The following KLHL4 variants were observed in gnomAD, a reference collection of about 807,000 sequenced individuals.
KLHL4 encodes the protein kelch-like protein 4.
Under a neutral mutation model 45.8 loss-of-function variants are expected in KLHL4, and 17 were observed. The observed-to-expected ratio is 0.37, with a 90% CI of 0.25 to 0.56. The LOEUF is 0.56. Among genes scored for constraint, KLHL4 ranks in the 20% least tolerant of loss-of-function variants. The probability of loss-of-function intolerance (pLI) is 0.79; values close to 1 mark genes in which losing one functional copy is unlikely to be tolerated. For synonymous variants in KLHL4, 224 were observed against 189.9 expected (o/e 1.18, Z -1.47); for missense variants, 544 against 544.9 (o/e 1.00, Z 0.02).
rs1013635113 is a variant in KLHL4, at chrX:87,523,688, C to T, written c.422+5373C>T. 9.9e-5 allele frequency among the ~76,000 whole-genome samples: 11 copies of T among 111,573 alleles called. No individual in the cohort carries two copies. In the South Asian group the frequency reaches 2.2e-3, roughly 23 times the overall value. On this transcript the variant is annotated intron_variant, in intron 1 of 10. Coordinates refer to ENST00000373119, the MANE Select transcript of KLHL4 (RefSeq NM_019117.5). ...TGACTGAGTAAATGAGAAGGCCGGC[C>T]GTGGTGGCGCATGCCTGTAATCCCA...
intron 1 of KLHL4, among the ~76,000 whole-genome samples, chrX:87,542,894 G>T (rs754385197): frequency 9.0e-6 from 1 of 111,643 alleles, no homozygotes; most frequent in Non-Finnish European, 1.9e-5. Flanking sequence ...ATATTGTTTG[G>T]TTCAATGTCC....
At chrX:87,603,782 T>A (rs1305115931) in intron 1 of KLHL4, among the ~76,000 whole-genome samples, 3 of 110,306 alleles carry the variant, frequency 2.7e-5, no homozygotes, top group Non-Finnish European at 5.7e-5. Flanking sequence ...TACAGTACTT[T>A]ACAGTTAACC....
chrX:87,651,571 G>A lies in KLHL4; in HGVS notation c.1926-13193G>A, dbSNP rs780659024. On this transcript the variant is annotated intron_variant, in intron 9 of 10. Transcript: ENST00000373119. ...CCAAAGCAAAGGGGCTACAGGCCCC[G>A]TGCAAGTCCAAAATCCAGCAGGGCA... Among the ~76,000 whole-genome samples the A allele has an allele frequency of 9.8e-5, 11 of 112,348 alleles. No individual in the cohort carries two copies. The East Asian group carries it at 1.4e-3, about 14-fold the overall frequency.
chrX:87,608,416 C>T (rs1922265106), intron 1 of KLHL4, among the ~76,000 whole-genome samples: 1 of 111,808 alleles, frequency 8.9e-6, no homozygotes, highest in Admixed American at 9.5e-5. Flanking sequence ...CTGCTTTAGC[C>T]ACACTGGACT....
At chrX:87,534,573 A>G (rs1016897735) in intron 1 of KLHL4, among the ~76,000 whole-genome samples, 1 of 111,110 alleles carries the variant, frequency 9.0e-6, no homozygotes, top group Admixed American at 9.6e-5. Flanking sequence ...ATGTAACCTC[A>G]CACCCCTCCT....
chrX:87,534,827 A>C (rs1931395154), intron 1 of KLHL4, among the ~76,000 whole-genome samples: 1 of 111,828 alleles, frequency 8.9e-6, no homozygotes, highest in African/African-American at 3.2e-5. Context: ...TTAATGCAAG[A>C]ATAGAAGGTG....
chrX:87,613,484 A>ATCAAAAAT (rs1255543378), intron 1 of KLHL4, among the ~76,000 whole-genome samples: 1 of 111,708 alleles, frequency 9.0e-6, no homozygotes, highest in Non-Finnish European at 1.9e-5. Flanking sequence ...TCAGGACATA[A>ATCAAAAAT]TCAAAAATTT....
At chrX:87,607,833 C>T (rs769679132) in intron 1 of KLHL4, among the ~76,000 whole-genome samples, 5 of 111,698 alleles carry the variant, frequency 4.5e-5, no homozygotes, top group African/African-American at 1.6e-4. Context: ...TTCCTAATAA[C>T]ATGCATTCTT....
chrX:87,595,598 A>T (rs192280992), intron 1 of KLHL4, among the ~76,000 whole-genome samples: 62 of 111,901 alleles, frequency 5.5e-4, no homozygotes, highest in Middle Eastern at 4.7e-3. Context: ...TTTGGAGGAT[A>T]GAAATGTTCA....
chrX:87,532,899 G>A (rs1250330796), intron 1 of KLHL4, among the ~76,000 whole-genome samples: 1 of 110,172 alleles, frequency 9.1e-6, no homozygotes, highest in Non-Finnish European at 1.9e-5. Context: ...CAAAGGACAT[G>A]AACAGACACT....
rs954757215 is a variant in KLHL4, at chrX:87,566,026, C to T, written c.422+47711C>T. On this transcript the variant is annotated intron_variant, in intron 1 of 10. Coordinates refer to ENST00000373119, the MANE Select transcript of KLHL4 (RefSeq NM_019117.5). ...CAATAGGTGTAGCAATCCACCATGG[C>T]GCACGTATACCTATGTAACAAACCT... 5.4e-5 allele frequency among the ~76,000 whole-genome samples: 6 copies of T among 110,419 alleles called. No homozygotes were observed. In the South Asian group the frequency reaches 1.5e-3, roughly 28 times the overall value.
Position 87,625,658 on chromosome X carries a change from T to G in KLHL4, c.1186T>G (p.Cys396Gly). ...TSSMFTGDLE[C>G]QKLLMEAMKY... ...TTCCATGTTTACTGGTGATCTTGAG[T>G]GTCAGAAGCTCCTGATGGAAGCTAT... The change falls in exon 6 of 11, where the codon TGT becomes GGT. Residue 396 changes from cysteine (C) to glycine (G), a missense_variant. Physicochemically the swap from Cys to Gly is radical, Grantham distance 159 (BLOSUM62 -3). Coordinates refer to ENST00000373119, the MANE Select transcript of KLHL4 (RefSeq NM_019117.5). The G allele has an allele frequency of 1.7e-6, 2 of 1,208,279 alleles. No individual in the cohort carries two copies. The highest frequency in any genetic ancestry group is 3.5e-5 in the African/African-American group (2 of 57,663).
intron 9 of KLHL4, among the ~76,000 whole-genome samples, chrX:87,649,327 CA>C: frequency 9.0e-6 from 1 of 111,581 alleles, no homozygotes; most frequent in East Asian, 2.8e-4. Context: ...CATAACTCTT[CA>C]AGGTTTATGT....
intron 1 of KLHL4, among the ~76,000 whole-genome samples, chrX:87,590,113 A>C (rs1921613522): frequency 9.0e-6 from 1 of 110,499 alleles, no homozygotes; most frequent in African/African-American, 3.3e-5. Context: ...TTAATTGTAT[A>C]TTTTAAAATA....
intron 9 of KLHL4, among the ~76,000 whole-genome samples, chrX:87,658,436 CG>C (rs1324774167): frequency 9.0e-6 from 1 of 111,450 alleles, no homozygotes; most frequent in African/African-American, 3.3e-5. Flanking sequence ...GTCTGGAATG[CG>C]TGCAACACAC....
chrX:87,559,600 C>T (rs1225307957), intron 1 of KLHL4, among the ~76,000 whole-genome samples: 2 of 111,588 alleles, frequency 1.8e-5, no homozygotes, highest in African/African-American at 6.5e-5. Context: ...GCTGCAAATT[C>T]TTCTCATATT....
At chrX:87,618,151 A>G (rs769372290) in intron 4 of KLHL4, 23 bp downstream of exon 4, 14 of 1,084,592 alleles carry the variant, frequency 1.3e-5, no homozygotes, top group Non-Finnish European at 1.7e-5. Flanking sequence ...GCTTCAACTG[A>G]ACTTGTAGTA....
rs374028715 is a variant in KLHL4 at position 87,650,769 on chromosome X, C to G, written c.1926-13995C>G. Among the ~76,000 whole-genome samples the G allele has an allele frequency of 6.3e-5, 7 of 111,576 alleles. No individual in the cohort carries two copies. In the East Asian group the frequency reaches 1.7e-3, roughly 27 times the overall value. On this transcript the variant is annotated intron_variant, in intron 9 of 10. Coordinates refer to ENST00000373119, the MANE Select transcript of KLHL4 (RefSeq NM_019117.5). ...ATTCATGCTGCTGATAAAGACATAC[C>G]TGAGACTGGGAAGAAAAAGATGTTT...
At chrX:87,662,326 A>G (rs2147843249) in intron 9 of KLHL4, among the ~76,000 whole-genome samples, 1 of 112,080 alleles carries the variant, frequency 8.9e-6, no homozygotes, top group Admixed American at 9.5e-5. Context: ...TAAACATTTT[A>G]TGTGATTCAT....
Sources: gnomAD v4.1 joint callset for allele counts (sites outside exome capture counted in the v4.1 genomes callset) on GRCh38, gnomAD v4.1.1 for gene constraint, MANE v1.5 for transcripts, NCBI Gene and HGNC (gene_info 2026-07-23, HGNC 2026-07-21) for gene names.